Variants in TXNRD1 observed in about 807,000 individuals in gnomAD.
The protein encoded by TXNRD1 is thioredoxin reductase 1, cytoplasmic.
TXNRD1 carries 57 observed loss-of-function variants against 80.3 expected under a neutral mutation model. The observed-to-expected ratio is 0.71, with a 90% CI of 0.57 to 0.89. The LOEUF (loss-of-function observed/expected upper bound fraction) is 0.89, where lower values mean the gene tolerates loss of function less well. TXNRD1 is among the 40% of genes least tolerant of loss of function. The pLI is 0.00. For synonymous variants in TXNRD1, 291 were observed against 285.2 expected, an observed-to-expected ratio of 1.02 and a Z score of -0.20; for missense variants, 730 against 803.0, an observed-to-expected ratio of 0.91 and a Z score of 1.10.
At position 104,305,259 on chromosome 12, in the gene TXNRD1, G is replaced by C. The variant is rs148948592; in HGVS notation, c.415-6031G>C. 31 of 183,252 alleles carry C rather than the reference G, an allele frequency of 1.7e-4. No individual in the cohort carries two copies. In the East Asian group the frequency reaches 4.6e-3, roughly 27 times the overall value. The allele number at this position is 183,252 out of a possible 1,614,324, so 11.4% of individuals were successfully genotyped here. On this transcript the variant is annotated intron_variant, in intron 4 of 16. Coordinates refer to ENST00000525566, the MANE Select transcript of TXNRD1 (RefSeq NM_001093771.3). ...ATAATAATTTACGAAAATCAGTGAT[G>C]ATGCTCTGTGATGCGTTGCTTTCTC... is the stretch of plus-strand genomic sequence containing the variant.
At chr12:104,282,516 A>C (rs2033899123) in intron 3 of TXNRD1, among the ~76,000 whole-genome samples, 1 of 152,146 alleles carries the variant, frequency 6.6e-6, no homozygotes, top group African/African-American at 2.4e-5. Flanking sequence ...GTTCCCTCAT[A>C]GCACTGTGGG....
chr12:104,315,663 T>G, intron 6 of TXNRD1, 114 bp from the exon 7 acceptor site: 1 of 1,245,678 alleles, frequency 8.0e-7, no homozygotes, highest in Non-Finnish European at 1.1e-6. Flanking sequence ...CTGACCACAT[T>G]AAGCAAATAT....
intron 4 of TXNRD1, chr12:104,305,023 CTTGT>C: frequency 7.6e-7 from 1 of 1,321,686 alleles, no homozygotes; most frequent in Non-Finnish European, 1.0e-6. Flanking sequence ...TATTGTATCT[CTTGT>C]AAAGTGAAAA....
chr12:104,246,899 T>G (rs537480449), intron 1 of TXNRD1, among the ~76,000 whole-genome samples: 1 of 152,346 alleles, frequency 6.6e-6, no homozygotes, highest in South Asian at 2.1e-4. Flanking sequence ...TACTGATCTC[T>G]GTTTACTTTT....
chr12:104,224,149 C>T (rs1014471332), intron 1 of TXNRD1, among the ~76,000 whole-genome samples: 14 of 152,246 alleles, frequency 9.2e-5, no homozygotes, highest in South Asian at 2.1e-4. Flanking sequence ...GACTCCCTCA[C>T]TCATCTGTTC....
At chr12:104,335,515 T>C (rs1294404612) in intron 15 of TXNRD1, among the ~76,000 whole-genome samples, 1 of 152,152 alleles carries the variant, frequency 6.6e-6, no homozygotes, top group African/African-American at 2.4e-5. Context: ...CAGTACTTTT[T>C]TAGCAGAAAC....
intron 4 of TXNRD1, among the ~76,000 whole-genome samples, chr12:104,294,266 CT>C (rs2034356935): frequency 6.9e-6 from 1 of 145,708 alleles, no homozygotes; most frequent in Non-Finnish European, 1.5e-5. Context: ...TCCCGGTCTG[CT>C]AAGTAGCGGG....
chr12:104,276,501 G>A (rs1333550995), intron 3 of TXNRD1: 1 of 152,206 alleles, frequency 6.6e-6, no homozygotes, highest in Non-Finnish European at 1.5e-5. Flanking sequence ...TTCAACTCCA[G>A]AAATTAGCAA....
chr12:104,340,526 A>G (rs1194928271), intron 16 of TXNRD1, among the ~76,000 whole-genome samples: 1 of 152,228 alleles, frequency 6.6e-6, no homozygotes, highest in Non-Finnish European at 1.5e-5. Context: ...CAAAGGCACT[A>G]GGGAAGAATC....
In TXNRD1 at chr12:104,251,645, C is replaced by T; in HGVS notation, c.210C>T (p.Ile70=). Residue 70 remains isoleucine, a synonymous_variant, in exon 2 of 17, where the codon ATC becomes ATT. Coordinates refer to ENST00000525566, the MANE Select transcript of TXNRD1 (RefSeq NM_001093771.3). ...ATATAGATGGTCACTCTGTGGTCAT[C>T]TTCAGTAGGTCCACATGCACACGCT... ...QAYIDGHSVV[I]FSRSTCTRCT... The T allele has an allele frequency of 6.2e-7, 1 of 1,613,974 alleles. No homozygotes were observed. The highest frequency in any genetic ancestry group is 8.5e-7 in the Non-Finnish European group (1 of 1,179,858).
intron 3 of TXNRD1, among the ~76,000 whole-genome samples, chr12:104,266,877 G>C (rs952272784): frequency 1.3e-5 from 2 of 152,152 alleles, no homozygotes; most frequent in African/African-American, 4.8e-5. Context: ...CAGGAGAATG[G>C]TGTGAACCCG....
chr12:104,216,177 G>A (rs1329108835), intron 1 of TXNRD1, among the ~76,000 whole-genome samples: 5 of 152,242 alleles, frequency 3.3e-5, no homozygotes, highest in Non-Finnish European at 5.9e-5. Flanking sequence ...GAAACCTGTC[G>A]GAAACCGAAC....
At chr12:104,246,555 G>A (rs2033001031) in intron 1 of TXNRD1, among the ~76,000 whole-genome samples, 1 of 139,480 alleles carries the variant, frequency 7.2e-6, no homozygotes, top group Non-Finnish European at 1.5e-5. Context: ...ATGCAGTCTC[G>A]CTCTGTCACC....
intron 4 of TXNRD1, among the ~76,000 whole-genome samples, chr12:104,300,648 CA>C (rs1467736729): frequency 1.3e-5 from 2 of 152,256 alleles, no homozygotes; most frequent in African/African-American, 4.8e-5. Flanking sequence ...TACTTTGTAG[CA>C]ATGTCTAAAG....
intron 2 of TXNRD1, among the ~76,000 whole-genome samples, chr12:104,254,644 A>AAAAAATATAT: frequency 5.3e-5 from 5 of 93,638 alleles, no homozygotes; most frequent in South Asian, 3.6e-4. Context: ...AAAAAAAAAA[A>AAAAAATATAT]ATATATATAT....
intron 3 of TXNRD1, among the ~76,000 whole-genome samples, chr12:104,283,659 T>C (rs2033923233): frequency 6.6e-6 from 1 of 151,784 alleles, no homozygotes; most frequent in Non-Finnish European, 1.5e-5. Flanking sequence ...TCACCTGTAG[T>C]TGGGAGTTGG....
chr12:104,350,024 T>TC lies in TXNRD1; in HGVS notation c.*1605dup, dbSNP rs1385994202. ...TATTTATTTTTAATTTGTTTTTTTCTCCAAGTCCACCAGTCTCTGAAATTA... is the reference window on the plus strand; with the variant it reads ...TATTTATTTTTAATTTGTTTTTTTCTCCCAAGTCCACCAGTCTCTGAAATTA... On this transcript the variant is annotated 3_prime_UTR_variant, in exon 17 of 17. Coordinates refer to ENST00000525566, the MANE Select transcript of TXNRD1 (RefSeq NM_001093771.3). The TC allele has an allele frequency of 6.6e-6, 1 of 152,178 alleles. No homozygotes were observed. Among genetic ancestry groups the TC allele is most frequent in the Non-Finnish European group, 1.5e-5 (1 of 68,038 alleles). The allele number at this position is 152,178 out of a possible 1,614,324, so 9.4% of individuals were successfully genotyped here.
intron 4 of TXNRD1, among the ~76,000 whole-genome samples, chr12:104,306,674 T>A (rs1286339573): frequency 6.6e-6 from 1 of 152,204 alleles, no homozygotes; most frequent in East Asian, 1.9e-4. Context: ...CTCATGAAAC[T>A]TGGCAAATTA....
At chr12:104,222,375 A>G (rs748346815) in intron 1 of TXNRD1, among the ~76,000 whole-genome samples, 1 of 152,178 alleles carries the variant, frequency 6.6e-6, no homozygotes, top group African/African-American at 2.4e-5. Flanking sequence ...ATGATCTTGT[A>G]CAGAAAAAAA....
Sources: allele counts gnomAD v4.1 joint callset (sites outside exome capture counted in the v4.1 genomes callset), GRCh38; gene constraint gnomAD v4.1.1; transcripts MANE v1.5; gene names NCBI Gene and HGNC (gene_info 2026-07-23, HGNC 2026-07-21).